The following RABEP1 variants were observed in gnomAD, a reference collection of about 807,000 sequenced individuals.
RABEP1 encodes the protein rab GTPase-binding effector protein 1.
RABEP1 carries 51 observed loss-of-function variants against 123.4 expected under a neutral mutation model. That is an observed-to-expected ratio of 0.41 (90% CI 0.33 to 0.52). The LOEUF (loss-of-function observed/expected upper bound fraction) is 0.52, where lower values mean the gene tolerates loss of function less well. Among genes scored for constraint, RABEP1 ranks in the 20% least tolerant of loss-of-function variants. The pLI, the probability that RABEP1 is intolerant of heterozygous loss-of-function variation, is 0.16. For missense variants in RABEP1, 888 were observed against 996.3 expected, an observed-to-expected ratio of 0.89 and a Z score of 1.46; for synonymous variants, 347 against 355.2, an observed-to-expected ratio of 0.98 and a Z score of 0.26.
At chr17:5,284,256 G>A (rs769659824) in intron 1 of RABEP1, among the ~76,000 whole-genome samples, 11 of 152,142 alleles carry the variant, frequency 7.2e-5, no homozygotes, top group Non-Finnish European at 1.5e-4. Flanking sequence ...CTAGCTTTAG[G>A]AAATCTTGTA....
At chr17:5,328,549 G>A (rs1417946531) in intron 2 of RABEP1, among the ~76,000 whole-genome samples, 1 of 151,078 alleles carries the variant, frequency 6.6e-6, no homozygotes, top group Non-Finnish European at 1.5e-5. Flanking sequence ...GGGAAGCTGA[G>A]GTGAGAGGAT....
chr17:5,379,990 T>C (rs1220450461), intron 15 of RABEP1, among the ~76,000 whole-genome samples: 1 of 152,224 alleles, frequency 6.6e-6, no homozygotes, highest in Non-Finnish European at 1.5e-5. Context: ...TATTGGAGTA[T>C]CTCTCCATCT....
chr17:5,368,880 G>T (rs189717708), intron 12 of RABEP1, among the ~76,000 whole-genome samples: 1 of 152,094 alleles, frequency 6.6e-6, no homozygotes, highest in Non-Finnish European at 1.5e-5. Context: ...GGGCTGAGGC[G>T]GGTGGATCAC....
At chr17:5,294,810 G>A (rs994594183) in intron 1 of RABEP1, among the ~76,000 whole-genome samples, 36 of 151,154 alleles carry the variant, frequency 2.4e-4, no homozygotes, top group Admixed American at 8.6e-4. Context: ...ACCACGCCAG[G>A]CTAATTTTTG....
intron 8 of RABEP1, among the ~76,000 whole-genome samples, chr17:5,359,436 A>G (rs1008596927): frequency 9.2e-5 from 14 of 152,162 alleles, no homozygotes; most frequent in Non-Finnish European, 1.5e-5. Flanking sequence ...CCTCTTCAGT[A>G]TCACAGCAGC....
At chr17:5,292,926 C>T (rs1387567497) in intron 1 of RABEP1, among the ~76,000 whole-genome samples, 3 of 152,146 alleles carry the variant, frequency 2.0e-5, no homozygotes, top group Non-Finnish European at 4.4e-5. Context: ...AAGCCATCTG[C>T]CTGCCTTGGC....
intron 1 of RABEP1, among the ~76,000 whole-genome samples, chr17:5,308,409 A>G (rs1164691254): frequency 1.3e-5 from 2 of 152,156 alleles, no homozygotes; most frequent in Non-Finnish European, 2.9e-5. Context: ...TATTTTTAAT[A>G]GAGATGGGAT....
intron 2 of RABEP1, among the ~76,000 whole-genome samples, chr17:5,323,307 G>A (rs752150852): frequency 1.1e-4 from 17 of 152,078 alleles, no homozygotes; most frequent in Admixed American, 3.3e-4. Flanking sequence ...GAACAAGGAC[G>A]CCCACTTCAG....
chr17:5,323,520 A>T (rs1457476816), intron 2 of RABEP1, among the ~76,000 whole-genome samples: 3 of 150,838 alleles, frequency 2.0e-5, no homozygotes, highest in Admixed American at 6.6e-5. Context: ...AAATCAGTAC[A>T]CAAAAATCAT....
chr17:5,304,226 T>A (rs1408552125), intron 1 of RABEP1, among the ~76,000 whole-genome samples: 1 of 152,066 alleles, frequency 6.6e-6, no homozygotes, highest in African/African-American at 2.4e-5. Flanking sequence ...TGTTGCTATT[T>A]GAGACATTCT....
chr17:5,368,307 G>C, intron 11 of RABEP1, 63 bp from the exon 12 acceptor site: 1 of 1,123,602 alleles, frequency 8.9e-7, no homozygotes, highest in Non-Finnish European at 1.3e-6. Flanking sequence ...TTAGAAGATG[G>C]AAGAGTTAGT....
chr17:5,339,078 G>A (rs1042410954), intron 5 of RABEP1, among the ~76,000 whole-genome samples: 1 of 151,766 alleles, frequency 6.6e-6, no homozygotes, highest in African/African-American at 2.4e-5. Flanking sequence ...GATTACTTCA[G>A]CCCGGGAGTT....
At chr17:5,331,698 A>T (rs1171837804) in intron 2 of RABEP1, among the ~76,000 whole-genome samples, 2 of 152,182 alleles carry the variant, frequency 1.3e-5, no homozygotes, top group Non-Finnish European at 2.9e-5. Context: ...ATTAAATAAC[A>T]TGACCAAGTT....
intron 13 of RABEP1, among the ~76,000 whole-genome samples, chr17:5,375,015 G>A (rs1910873356): frequency 6.6e-6 from 1 of 151,886 alleles, no homozygotes; most frequent in African/African-American, 2.4e-5. Context: ...GATCTCAGGT[G>A]ATTAGCCTGC....
chr17:5,342,592 C>T (rs1361330985), intron 5 of RABEP1, among the ~76,000 whole-genome samples: 5 of 152,120 alleles, frequency 3.3e-5, no homozygotes, highest in East Asian at 1.9e-4. Context: ...GGCAGTAGAG[C>T]GAGACTCTGT....
In RABEP1 at chr17:5,362,960, A is replaced by C; in HGVS notation, c.1612A>C (p.Asn538His). The change falls in exon 10 of 18, where the codon AAT becomes CAT. Residue 538 changes from asparagine to histidine, a missense_variant. Coordinates refer to ENST00000537505, the MANE Select transcript of RABEP1 (RefSeq NM_004703.6). Reference protein sequence around the residue: ...KLGRRCDMCSNYEKQLQGIQI... With the variant: ...KLGRRCDMCSHYEKQLQGIQI... Reference sequence around the variant, plus strand: ...TGGTAGACGTTGTGATATGTGTTCCAATTACGAAAAACAGTTACAAGGAAT... The same window carrying C: ...TGGTAGACGTTGTGATATGTGTTCCCATTACGAAAAACAGTTACAAGGAAT... 6.2e-7 allele frequency: 1 copy of C among 1,614,098 alleles called. No individual in the cohort carries two copies. Among genetic ancestry groups the C allele is most frequent in the Non-Finnish European group, 8.5e-7 (1 of 1,179,948 alleles).
intron 7 of RABEP1, 72 bp from the exon 8 acceptor site, chr17:5,354,287 A>C (rs1908821603): frequency 7.3e-7 from 1 of 1,370,004 alleles, no homozygotes; most frequent in African/African-American, 1.5e-5. Context: ...ATTTGTTTTG[A>C]ATGGTTAAAG....
At chr17:5,364,376 A>G (rs1187862709) in intron 10 of RABEP1, 3 of 152,264 alleles carry the variant, frequency 2.0e-5, no homozygotes, top group Non-Finnish European at 4.4e-5. Context: ...ATGGGAATGT[A>G]AGCTACAAGG....
intron 3 of RABEP1, among the ~76,000 whole-genome samples, chr17:5,334,179 A>G (rs186766968): frequency 1.1e-4 from 17 of 151,530 alleles, no homozygotes; most frequent in African/African-American, 4.1e-4. Flanking sequence ...GACCACAGAC[A>G]TGGCGACATC....
Sources: allele counts gnomAD v4.1 joint callset (sites outside exome capture counted in the v4.1 genomes callset), GRCh38; gene constraint gnomAD v4.1.1; transcripts MANE v1.5; gene names NCBI Gene and HGNC (gene_info 2026-07-23, HGNC 2026-07-21).